Variants in MET observed in about 807,000 individuals in gnomAD.
MET encodes hepatocyte growth factor receptor.
Under a neutral mutation model 133.1 loss-of-function variants are expected in MET, and 48 were observed. The ratio of observed to expected loss-of-function variants is 0.36; its 90% confidence interval spans 0.29 to 0.46. MET has a LOEUF of 0.46. Ranked by LOEUF, MET falls within the 20% of genes least tolerant of loss-of-function variation. The pLI is 1.00. For synonymous variants in MET, 628 were observed against 616.5 expected (o/e 1.02, Z -0.28); for missense variants, 1,442 against 1,695.9 (o/e 0.85, Z 2.63).
intron 19 of MET, among the ~76,000 whole-genome samples, chr7:116,787,274 A>C (rs918518955): frequency 1.3e-5 from 2 of 152,200 alleles, no homozygotes; most frequent in African/African-American, 4.8e-5. Context: ...TCCTCCAAGA[A>C]CATACTGTTC....
intron 11 of MET, 40 bp downstream of exon 11, chr7:116,763,308 A>C: frequency 1.3e-6 from 2 of 1,559,562 alleles, no homozygotes; most frequent in Non-Finnish European, 1.8e-6. Flanking sequence ...TCATCAGCTC[A>C]AACTTAATTG....
chr7:116,721,465 G>A, intron 2 of MET, among the ~76,000 whole-genome samples: 1 of 152,040 alleles, frequency 6.6e-6, no homozygotes, highest in Non-Finnish European at 1.5e-5. Context: ...TTTTTGAAGG[G>A]TTTTTTGTGT....
chr7:116,797,281 G>A lies in MET; in HGVS notation c.*1157G>A, dbSNP rs1001371751. 5 of 222,308 alleles carry A rather than the reference G, an allele frequency of 2.2e-5. No individual in the cohort carries two copies. Among genetic ancestry groups the A allele is most frequent in the African/African-American group, 1.1e-4 (5 of 44,510 alleles). 13.8% of individuals were successfully genotyped at this position (222,308 alleles called of 1,614,324 possible). ...ATACATTTTACTAAAAGGTTCATTG[G>A]TTCCAATCACAGCTCATAGGTAGAG... On this transcript the variant is annotated 3_prime_UTR_variant, in exon 21 of 21. Coordinates refer to ENST00000397752, the MANE Select transcript of MET (RefSeq NM_000245.4).
At chr7:116,783,166 A>G in intron 18 of MET, 138 bp from the exon 19 acceptor site, 2 of 961,530 alleles carry the variant, frequency 2.1e-6, no homozygotes, top group Non-Finnish European at 1.6e-6. Flanking sequence ...GTGTTAGTCA[A>G]TAGAGGCCAG....
At chr7:116,788,244 CTG>C (rs777651966) in intron 19 of MET, among the ~76,000 whole-genome samples, 2 of 152,294 alleles carry the variant, frequency 1.3e-5, no homozygotes, top group East Asian at 3.9e-4. Flanking sequence ...TAAAACTGGA[CTG>C]TGATGATATG....
intron 5 of MET, 46 bp downstream of exon 5, chr7:116,741,071 T>G: frequency 1.3e-6 from 2 of 1,588,604 alleles, no homozygotes; most frequent in Non-Finnish European, 8.6e-7. Flanking sequence ...TTTGGTGTTT[T>G]TTTTTTTTTT....
intron 2 of MET, among the ~76,000 whole-genome samples, chr7:116,720,470 C>G (rs1463832071): frequency 7.2e-6 from 1 of 138,830 alleles, no homozygotes; most frequent in Non-Finnish European, 1.5e-5. Flanking sequence ...AATTGAATAC[C>G]CTTTATTTCC....
rs191965531 is a variant in MET at position 116,731,892 on chromosome 7, C to G, written c.1392+33C>G. Reference sequence around the variant, plus strand: ...CTTTCTGAGAGTAGCTGTGTCTGTTCTATCTGGTATTGTGCAATTAATTTG... The same window carrying G: ...CTTTCTGAGAGTAGCTGTGTCTGTTGTATCTGGTATTGTGCAATTAATTTG... On this transcript the variant is annotated intron_variant, in intron 3 of 20. Transcript: ENST00000397752. The G allele has an allele frequency of 1.7e-4, 266 of 1,603,302 alleles. 1 individual carries two copies. The East Asian group carries it at 3.8e-3, about 23-fold the overall frequency.
chr7:116,782,247 G>A, intron 18 of MET, 150 bp downstream of exon 18: 2 of 698,274 alleles, frequency 2.9e-6, no homozygotes, highest in East Asian at 2.7e-5. Context: ...TAAGCCCTGG[G>A]GATGTGGGTG....
intron 1 of MET, among the ~76,000 whole-genome samples, chr7:116,685,736 G>A (rs142608712): frequency 1.3e-5 from 2 of 151,908 alleles, no homozygotes; most frequent in Non-Finnish European, 2.9e-5. Flanking sequence ...TACATTCCTG[G>A]TCTCCTCATA....
At chr7:116,679,777 A>G (rs1020378372) in intron 1 of MET, among the ~76,000 whole-genome samples, 1 of 152,184 alleles carries the variant, frequency 6.6e-6, no homozygotes, top group Non-Finnish European at 1.5e-5. Flanking sequence ...TGCTGTAGTT[A>G]GATTTCCTGT....
intron 2 of MET, chr7:116,724,729 A>G (rs1439557706): frequency 1.0e-6 from 1 of 955,216 alleles, no homozygotes; most frequent in African/African-American, 1.7e-5. Flanking sequence ...GTAGAGCTGG[A>G]AGAGAATTTC....
intron 1 of MET, among the ~76,000 whole-genome samples, chr7:116,697,512 G>A (rs1168374891): frequency 6.6e-6 from 1 of 152,186 alleles, no homozygotes; most frequent in Non-Finnish European, 1.5e-5. Flanking sequence ...TAGACTATTA[G>A]TAGGGTAAAA....
chr7:116,721,860 TA>T (rs1792499914), intron 2 of MET, among the ~76,000 whole-genome samples: 1 of 152,244 alleles, frequency 6.6e-6, no homozygotes, highest in Non-Finnish European at 1.5e-5. Context: ...TAGTTTGTTA[TA>T]ATCTCTGTTC....
intron 2 of MET, among the ~76,000 whole-genome samples, chr7:116,722,896 T>C (rs1487959142): frequency 1.4e-5 from 2 of 146,792 alleles, no homozygotes; most frequent in Admixed American, 6.8e-5. Context: ...CCGACCTTTC[T>C]CTCTGGCTGC....
At chr7:116,758,265 C>A (rs1794265646) in intron 8 of MET, among the ~76,000 whole-genome samples, 194 bp from the exon 9 acceptor site, 1 of 151,810 alleles carries the variant, frequency 6.6e-6, no homozygotes, top group Non-Finnish European at 1.5e-5. Context: ...GTTTTCCAGT[C>A]AAGGATAGCT....
chr7:116,787,937 C>T (rs1008107821), intron 19 of MET, among the ~76,000 whole-genome samples: 5 of 151,810 alleles, frequency 3.3e-5, no homozygotes, highest in South Asian at 2.1e-4. Flanking sequence ...TGTCCATCAA[C>T]GGGTGAATGG....
chr7:116,692,403 T>C (rs996661930), intron 1 of MET, among the ~76,000 whole-genome samples: 33 of 152,218 alleles, frequency 2.2e-4, no homozygotes, highest in African/African-American at 7.7e-4. Context: ...ATTGCCTCTG[T>C]TGGGTTTTTT....
chr7:116,733,082 T>A (rs1419410377), intron 3 of MET, among the ~76,000 whole-genome samples: 2 of 152,184 alleles, frequency 1.3e-5, no homozygotes, highest in Admixed American at 1.3e-4. Flanking sequence ...ATCTTGACCA[T>A]TTAATTCTAT....
Sources: allele counts gnomAD v4.1 joint callset (sites outside exome capture counted in the v4.1 genomes callset), GRCh38; gene constraint gnomAD v4.1.1; transcripts MANE v1.5; gene names NCBI Gene and HGNC (gene_info 2026-07-23, HGNC 2026-07-21).